The following NTRK2 variants were observed in gnomAD, a reference collection of about 807,000 sequenced individuals.
NTRK2 encodes neurotrophic receptor tyrosine kinase 2.
NTRK2 carries 13 observed loss-of-function variants against 94.5 expected under a neutral mutation model. The ratio of observed to expected loss-of-function variants is 0.14; its 90% CI spans 0.09 to 0.22. The LOEUF is 0.22. Ranked by LOEUF, NTRK2 falls within the 10% of genes least tolerant of loss-of-function variation. The pLI, the probability that NTRK2 is intolerant of heterozygous loss-of-function variation, is 1.00. For synonymous variants in NTRK2, 372 were observed against 407.4 expected (o/e 0.91, Z 1.05); for missense variants, 639 against 1,071.2 (o/e 0.60, Z 5.63).
chr9:84,873,452 G>C, intron 14 of NTRK2: 4 of 1,059,660 alleles, frequency 3.8e-6, no homozygotes, highest in Non-Finnish European at 4.6e-6. Flanking sequence ...ATGGCACATT[G>C]CTGCTGTTCT....
chr9:84,694,931 A>G (rs2060273289), intron 2 of NTRK2, among the ~76,000 whole-genome samples: 1 of 151,804 alleles, frequency 6.6e-6, no homozygotes, highest in Admixed American at 6.6e-5. Context: ...TAATGCCAGC[A>G]CTTCAGGAGA....
At chr9:84,814,719 C>T in intron 12 of NTRK2, 1 of 1,064,380 alleles carries the variant, frequency 9.4e-7, no homozygotes, top group Non-Finnish European at 1.1e-6. Context: ...TTTGTCTAGA[C>T]TCCAGATACA....
intron 13 of NTRK2, among the ~76,000 whole-genome samples, chr9:84,862,343 G>A (rs1045513391): frequency 7.2e-5 from 11 of 152,190 alleles, no homozygotes; most frequent in Non-Finnish European, 1.6e-4. Context: ...GTGCGTAGGT[G>A]TATCCCGTGT....
At chr9:84,828,648 A>T (rs903447334) in intron 12 of NTRK2, among the ~76,000 whole-genome samples, 1 of 152,212 alleles carries the variant, frequency 6.6e-6, no homozygotes, top group African/African-American at 2.4e-5. Context: ...CTTTTAAAAG[A>T]TTAAAATTTT....
At chr9:84,671,940 T>A (rs1027568409) in intron 2 of NTRK2, among the ~76,000 whole-genome samples, 15 of 152,238 alleles carry the variant, frequency 9.9e-5, no homozygotes, top group Non-Finnish European at 1.6e-4. Flanking sequence ...TGAAGGATGC[T>A]GTCATTCCAT....
rs79941443 is a variant in NTRK2 at position 84,928,882 on chromosome 9, T to G, written c.1634-5280T>G. On this transcript the variant is annotated intron_variant, in intron 14 of 18. Transcript: ENST00000277120. ...TCTTTCTCCTGAAAACTTTAAGATC[T>G]CTCTCTTTTTAACTGCAGGTTGCTT... Among the ~76,000 whole-genome samples the G allele has an allele frequency of 2.9e-3, 434 of 152,274 alleles. 4 individuals are homozygous for G. The highest frequency in any genetic ancestry group is 0.018 in the East Asian group (95 of 5,172).
chr9:84,819,786 CCTTCCTGATCCCTGG>C (rs2072669020), intron 12 of NTRK2, among the ~76,000 whole-genome samples: 1 of 152,192 alleles, frequency 6.6e-6, no homozygotes, highest in Non-Finnish European at 1.5e-5. Context: ...AGCTATTTTC[CCTTCCTGATCCCTGG>C]AGTTGGTAAG....
intron 12 of NTRK2, among the ~76,000 whole-genome samples, chr9:84,805,512 C>A (rs1246962980): frequency 6.6e-6 from 1 of 152,184 alleles, no homozygotes; most frequent in Admixed American, 6.5e-5. Flanking sequence ...TGATTTCGTA[C>A]TGGAAGCTTT....
At position 85,021,402 on chromosome 9, in the gene NTRK2, A is replaced by G. The variant is rs749137113; in HGVS notation, c.2482A>G (p.Lys828Glu). 3 of 1,614,136 alleles carry G rather than the reference A, an allele frequency of 1.9e-6. No individual in the cohort carries two copies. The highest frequency in any genetic ancestry group is 2.5e-6 in the Non-Finnish European group (3 of 1,180,014). ...GIHTLLQNLA[K>E]ASPVYLDILG ...CCATACCCTCCTTCAGAACTTGGCCAAGGCATCTCCGGTCTACCTGGACAT... is the reference window on the plus strand; with the variant it reads ...CCATACCCTCCTTCAGAACTTGGCCGAGGCATCTCCGGTCTACCTGGACAT... The change falls in exon 19 of 19, where the codon AAG (lysine) becomes GAG (glutamate). Residue 828 changes from lysine to glutamate, a missense_variant. Coordinates refer to ENST00000277120, the MANE Select transcript of NTRK2 (RefSeq NM_006180.6).
At chr9:84,673,479 G>A (rs2058829454) in intron 2 of NTRK2, among the ~76,000 whole-genome samples, 3 of 152,082 alleles carry the variant, frequency 2.0e-5, no homozygotes, top group African/African-American at 4.8e-5. Context: ...CTGAAGTTAC[G>A]TGCGTCTATT....
At chr9:84,728,394 C>G (rs1263360912) in intron 9 of NTRK2, among the ~76,000 whole-genome samples, 3 of 152,166 alleles carry the variant, frequency 2.0e-5, no homozygotes, top group African/African-American at 7.2e-5. Flanking sequence ...ATCTGATACA[C>G]ACTGGATTAA....
At chr9:84,740,880 T>G (rs1305721229) in intron 9 of NTRK2, among the ~76,000 whole-genome samples, 1 of 152,230 alleles carries the variant, frequency 6.6e-6, no homozygotes, top group Admixed American at 6.5e-5. Context: ...TCATTTCGCT[T>G]TACTTTAATG....
chr9:84,907,495 CT>C (rs1206109529), intron 14 of NTRK2, among the ~76,000 whole-genome samples: 1 of 152,118 alleles, frequency 6.6e-6, no homozygotes, highest in African/African-American at 2.4e-5. Flanking sequence ...TCATTTACTT[CT>C]TTTTCAAAAT....
intron 12 of NTRK2, among the ~76,000 whole-genome samples, chr9:84,827,312 C>T (rs1484446108): frequency 6.6e-6 from 1 of 152,192 alleles, no homozygotes; most frequent in African/African-American, 2.4e-5. Context: ...GATACTCACT[C>T]GTTCATTCAA....
At chr9:84,993,566 G>A (rs538827839) in intron 17 of NTRK2, among the ~76,000 whole-genome samples, 1 of 152,348 alleles carries the variant, frequency 6.6e-6, no homozygotes, top group Admixed American at 6.5e-5. Flanking sequence ...ACTCTGCACA[G>A]CAGCCAGAGT....
At chr9:85,005,643 G>A (rs187404063) in intron 17 of NTRK2, among the ~76,000 whole-genome samples, 225 of 152,258 alleles carry the variant, frequency 1.5e-3, no homozygotes, top group Non-Finnish European at 2.4e-3. Context: ...ATAACCCTGA[G>A]TAACACTGGA....
At chr9:84,676,047 A>G (rs557354081) in intron 2 of NTRK2, among the ~76,000 whole-genome samples, 1 of 152,348 alleles carries the variant, frequency 6.6e-6, no homozygotes, top group Admixed American at 6.5e-5. Context: ...TTCAAAAAAT[A>G]AAAATAAAAA....
chr9:84,889,212 G>A (rs995795488), intron 14 of NTRK2, among the ~76,000 whole-genome samples: 1 of 149,156 alleles, frequency 6.7e-6, no homozygotes, highest in East Asian at 2.0e-4. Flanking sequence ...GGATGGTCTC[G>A]ATCTCCTGAC....
intron 12 of NTRK2, among the ~76,000 whole-genome samples, chr9:84,828,344 A>T (rs1398288354): frequency 6.6e-6 from 1 of 152,218 alleles, no homozygotes; most frequent in African/African-American, 2.4e-5. Context: ...TAACTTCATT[A>T]TATGTTGAAG....
Sources: allele counts gnomAD v4.1 joint callset (sites outside exome capture counted in the v4.1 genomes callset), GRCh38; gene constraint gnomAD v4.1.1; transcripts MANE v1.5; gene names NCBI Gene and HGNC (gene_info 2026-07-23, HGNC 2026-07-21).